RAB37: variants seen among roughly 807,000 people sequenced by gnomAD.
RAB37 encodes RAB37, member RAS oncogene family, also known as ras-related protein Rab-37.
RAB37 carries 29 observed loss-of-function variants against 33.1 expected under a neutral mutation model. The ratio of observed to expected loss-of-function variants is 0.88; its 90% CI spans 0.65 to 1.20. The LOEUF is 1.20. Ranked by LOEUF, RAB37 falls within the 50% of genes most tolerant of loss-of-function variation. The pLI, the probability that RAB37 is intolerant of heterozygous loss-of-function variation, is 0.00. For missense variants in RAB37, 299 were observed against 301.1 expected (o/e 0.99, Z 0.05); for synonymous variants, 128 against 119.5 (o/e 1.07, Z -0.47).
rs1351041576 is a variant in RAB37, at chr17:74,671,798, A to G, written c.72+140A>G. On this transcript the variant is annotated intron_variant, in intron 1 of 7. Coordinates refer to the RAB37 transcript ENST00000340415. The surrounding 1 kb of genome is among the most constrained non-coding windows in gnomAD (Gnocchi z 5.0). ...GAGTCTGGGGAGCCCTTTCTGTCTG[A>G]TCCTGTTTCCTGCTCAAAACAGAGA... 3 of 735,284 alleles carry G rather than the reference A, an allele frequency of 4.1e-6. No individual in the cohort carries two copies. The East Asian group carries it at 8.1e-5, about 20-fold the overall frequency. The allele number at this position is 735,284 out of a possible 1,614,324, so 45.5% of individuals were successfully genotyped here.
Position 74,745,374 on chromosome 17 carries a change from C to A in RAB37, c.635C>A (p.Ser212Tyr). The change falls in exon 9 of 9, where the codon TCC becomes TAC. Residue 212 changes from serine to tyrosine, a missense_variant. By Grantham distance (144) the Ser-to-Tyr change is moderately radical. Coordinates refer to ENST00000392613, the MANE Select transcript of RAB37 (RefSeq NM_001006638.3). The surrounding 1 kb of genome is among the most constrained non-coding windows in gnomAD (Gnocchi z 4.5). ...TTCCAGATCCGAGACTATGTAGAGT[C>A]CCAGAAGAAGCGCTCCAGCTGCTGC... ...PSFQIRDYVESQKKRSSCCSF... is the reference protein window; with the variant it reads ...PSFQIRDYVEYQKKRSSCCSF... 1 of 1,614,120 alleles carries A rather than the reference C, an allele frequency of 6.2e-7. No individual in the cohort carries two copies. The highest frequency in any genetic ancestry group is 8.5e-7 in the Non-Finnish European group (1 of 1,180,012).
At chr17:74,695,983 G>A (rs79293742) in intron 1 of RAB37, 21,325 of 1,307,714 alleles carry the variant, frequency 0.016, 236 homozygotes, top group Non-Finnish European at 0.02. Context: ...ATTTCCCTCC[G>A]TGTCCTCCAC....
chr17:74,680,902 G>A (rs564834875), intron 1 of RAB37, among the ~76,000 whole-genome samples: 52 of 152,324 alleles, frequency 3.4e-4, no homozygotes, highest in African/African-American at 1.2e-3. Flanking sequence ...AAGAACCATG[G>A]AAGAGTAGAA....
chr17:74,690,289 AC>A lies in RAB37; in HGVS notation c.72+18633del, dbSNP rs147872148. 9.1e-3 allele frequency among the ~76,000 whole-genome samples: 1,389 copies of A among 152,212 alleles called. 26 individuals carry two copies. Among genetic ancestry groups the A allele is most frequent in the African/African-American group, 0.032 (1,336 of 41,532 alleles). ...ATCTTTAAATATTAATAATTCAAAA[AC>A]CAAGAAGGGAAGCCCCAGCAACTTT... is the stretch of plus-strand genomic sequence containing the variant. On this transcript the variant is annotated intron_variant, in intron 1 of 7. Coordinates refer to the RAB37 transcript ENST00000340415.
intron 1 of RAB37, among the ~76,000 whole-genome samples, chr17:74,724,063 T>G (rs1436011047): frequency 2.0e-5 from 3 of 152,172 alleles, no homozygotes; most frequent in Non-Finnish European, 4.4e-5. Flanking sequence ...CCAGAAAATC[T>G]GAGACAAGTC....
chr17:74,707,457 G>T (rs892452674), intron 1 of RAB37, among the ~76,000 whole-genome samples: 1 of 152,214 alleles, frequency 6.6e-6, no homozygotes, highest in Non-Finnish European at 1.5e-5. Flanking sequence ...ATTCACACTT[G>T]TAATTCCAGC....
At chr17:74,688,037 A>T (rs544531203) in intron 1 of RAB37, among the ~76,000 whole-genome samples, 1 of 152,254 alleles carries the variant, frequency 6.6e-6, no homozygotes, top group South Asian at 2.1e-4. Context: ...TTGTTAAGCA[A>T]CCCCTCACTT....
rs539934575 is a variant in RAB37, at chr17:74,708,744, G to A, written c.73-20512G>A. Among the ~76,000 whole-genome samples the A allele has an allele frequency of 6.3e-4, 96 of 152,158 alleles. No homozygotes were observed. The South Asian group carries it at 0.011, about 17-fold the overall frequency. ...ATCCTGGCTAACACGGTGAAACCCT[G>A]TCTCTACTAAAAATACAAAAAATTA... On this transcript the variant is annotated intron_variant, in intron 1 of 7. Transcript: ENST00000340415.
At chr17:74,674,003 T>C (rs2031765925) in intron 1 of RAB37, among the ~76,000 whole-genome samples, 1 of 152,120 alleles carries the variant, frequency 6.6e-6, no homozygotes, top group Admixed American at 6.5e-5. Flanking sequence ...TGTAGTAGAG[T>C]CCAAGGAGTT....
chr17:74,737,037 GC>G (rs1256318738), upstream of RAB37: 6 of 1,607,364 alleles, frequency 3.7e-6, no homozygotes, highest in East Asian at 1.1e-4. Flanking sequence ...AGCGCACGGA[GC>G]CGAGCCGGTG....
chr17:74,727,810 G>T (rs910018200), intron 1 of RAB37, among the ~76,000 whole-genome samples: 1 of 152,118 alleles, frequency 6.6e-6, no homozygotes, highest in African/African-American at 2.4e-5. Context: ...GTGTGTCTGG[G>T]TGTATGTGTG....
At chr17:74,699,207 G>A (rs2032804103) in intron 1 of RAB37, among the ~76,000 whole-genome samples, 1 of 152,136 alleles carries the variant, frequency 6.6e-6, no homozygotes, top group Non-Finnish European at 1.5e-5. Flanking sequence ...GTGAGCCACA[G>A]CGCCCGGCCT....
At chr17:74,695,675 G>A (rs1298322786) in intron 1 of RAB37, 1 of 1,612,690 alleles carries the variant, frequency 6.2e-7, no homozygotes, top group Non-Finnish European at 8.5e-7. Flanking sequence ...GCAACGGCAG[G>A]CCTGTGTCCC....
chr17:74,696,924 G>A (rs778536335), intron 1 of RAB37, among the ~76,000 whole-genome samples: 19 of 151,688 alleles, frequency 1.3e-4, no homozygotes, highest in Non-Finnish European at 2.4e-4. Context: ...GTTTGGTTTG[G>A]TTTGGTTTGG....
intron 1 of RAB37, among the ~76,000 whole-genome samples, chr17:74,705,972 C>T (rs893444794): frequency 6.6e-6 from 1 of 152,114 alleles, no homozygotes. Context: ...AGGCCATTAT[C>T]CTAAGTGAAT....
At chr17:74,722,712 C>T (rs2034257458) in intron 1 of RAB37, among the ~76,000 whole-genome samples, 2 of 152,166 alleles carry the variant, frequency 1.3e-5, no homozygotes, top group Non-Finnish European at 2.9e-5. Context: ...GAGAGCTCTC[C>T]TTATATGAGG....
At chr17:74,695,791 C>T (rs374021872) in intron 1 of RAB37, 22 of 1,614,014 alleles carry the variant, frequency 1.4e-5, no homozygotes, top group Non-Finnish European at 1.6e-5. Context: ...TAGCCTTTTG[C>T]GGGGAGGTTC....
intron 1 of RAB37, among the ~76,000 whole-genome samples, chr17:74,718,316 C>CATCAT (rs57513588): frequency 0.16 from 23,278 of 147,560 alleles, 1,994 homozygotes; most frequent in East Asian, 0.26. Flanking sequence ...TCATATCATA[C>CATCAT]ATCATATCAT....
chr17:74,744,281 G>T lies in RAB37; in HGVS notation c.367-27G>T. ...AAAGGGGCAGCAGGAGGAAGAGAAT[G>T]CCAGTCTCGCACGCCCTCTCCCACA... On this transcript the variant is annotated intron_variant, in intron 5 of 8. Transcript: ENST00000392613. The surrounding 1 kb of genome is among the most constrained non-coding windows in gnomAD (Gnocchi z 4.2). The T allele has an allele frequency of 1.2e-6, 2 of 1,605,250 alleles. No individual in the cohort carries two copies. The highest frequency in any genetic ancestry group is 1.7e-6 in the Non-Finnish European group (2 of 1,174,146).
Sources: gnomAD v4.1 joint callset for allele counts (sites outside exome capture counted in the v4.1 genomes callset) on GRCh38, gnomAD v4.1.1 for gene constraint, Gnocchi (gnomAD v3.1) non-coding constraint, MANE v1.5 for transcripts, NCBI Gene and HGNC (gene_info 2026-07-23, HGNC 2026-07-21) for gene names.